PCDHGA5: variants seen among roughly 807,000 people sequenced by gnomAD.
PCDHGA5 encodes the protein protocadherin gamma-A5.
PCDHGA5 carries 36 observed loss-of-function variants against 56.7 expected under a neutral mutation model. The observed-to-expected ratio is 0.64, with a 90% confidence interval of 0.49 to 0.84. PCDHGA5 has a LOEUF of 0.84. Among genes scored for constraint, PCDHGA5 ranks in the 40% least tolerant of loss-of-function variants. The probability of loss-of-function intolerance (pLI) is 0.00; values close to 1 mark genes in which losing one functional copy is unlikely to be tolerated. For missense variants in PCDHGA5, 1,305 were observed against 1,201.5 expected (o/e 1.09, Z -1.27); for synonymous variants, 563 against 520.2 (o/e 1.08, Z -1.12).
Position 141,365,713 on chromosome 5 carries a change from C to G in PCDHGA5, c.1383C>G (p.Val461=). The change falls in exon 1 of 4, where the codon GTC becomes GTG. Residue 461 remains valine, a synonymous_variant. Coordinates refer to ENST00000518069, the MANE Select transcript of PCDHGA5 (RefSeq NM_018918.3). ...NFPQASYSTS[V]TENNPRGVSI... ...CTCAAGCCTCCTACTCCACCTCTGT[C>G]ACAGAAAACAATCCCAGAGGTGTCT... The G allele has an allele frequency of 6.2e-7, 1 of 1,613,760 alleles. No individual in the cohort carries two copies. The highest frequency in any genetic ancestry group is 2.2e-5 in the East Asian group (1 of 44,874).
intron 1 of PCDHGA5, chr5:141,404,669 A>G: frequency 1.9e-6 from 3 of 1,614,100 alleles, no homozygotes; most frequent in Non-Finnish European, 2.5e-6. Context: ...TGATGGTTCT[A>G]CTGGTGTGGA....
At chr5:141,423,089 G>A in intron 1 of PCDHGA5, 1 of 1,614,016 alleles carries the variant, frequency 6.2e-7, no homozygotes, top group Non-Finnish European at 8.5e-7. Flanking sequence ...TTCGCGGTGG[G>A]GGAGCACACG....
At chr5:141,509,692 C>T (rs755446680) in intron 3 of PCDHGA5, among the ~76,000 whole-genome samples, 8 of 152,126 alleles carry the variant, frequency 5.3e-5, no homozygotes, top group Non-Finnish European at 1.0e-4. Context: ...TACAGTGGGA[C>T]GTTGGACTGG....
chr5:141,388,026 G>A, intron 1 of PCDHGA5: 1 of 1,446,900 alleles, frequency 6.9e-7, no homozygotes, highest in South Asian at 1.3e-5. Flanking sequence ...CTCCGTAGTG[G>A]GGAACCTCGC....
chr5:141,397,975 G>T, intron 1 of PCDHGA5: 4 of 1,189,018 alleles, frequency 3.4e-6, no homozygotes, highest in Non-Finnish European at 4.6e-6. Flanking sequence ...CCCCAGCGCC[G>T]GCCTTTACAC....
intron 1 of PCDHGA5, chr5:141,393,251 G>T: frequency 5.6e-6 from 9 of 1,613,814 alleles, no homozygotes; most frequent in Non-Finnish European, 6.8e-6. Flanking sequence ...ACGAAATCGC[G>T]GTTCCTGGAG....
At chr5:141,371,101 A>T (rs766194298) in intron 1 of PCDHGA5, 2 of 1,613,794 alleles carry the variant, frequency 1.2e-6, no homozygotes, top group South Asian at 1.1e-5. Context: ...GCAGATGCAA[A>T]TGATAACCCC....
chr5:141,497,804 T>G (rs1196976996), intron 2 of PCDHGA5, among the ~76,000 whole-genome samples: 1 of 152,186 alleles, frequency 6.6e-6, no homozygotes, highest in Non-Finnish European at 1.5e-5. Context: ...CTTCCCAAAG[T>G]GCTAGAATTA....
Position 141,491,004 on chromosome 5 carries a change from G to T in PCDHGA5, c.2422-3803G>T. ...CTCGCTCTGCTCCTCCTGGCTCCTT[G>T]GTCACCAAGGTGACAGCCGTGGATG... On this transcript the variant is annotated intron_variant, in intron 1 of 3. Transcript: ENST00000518069. The surrounding 1 kb of genome is among the most constrained non-coding windows in gnomAD (Gnocchi z 6.9). The T allele has an allele frequency of 6.2e-7, 1 of 1,614,024 alleles. No individual in the cohort carries two copies. Among genetic ancestry groups the T allele is most frequent in the Non-Finnish European group, 8.5e-7 (1 of 1,180,026 alleles).
chr5:141,438,037 G>A (rs2097925203), intron 1 of PCDHGA5, among the ~76,000 whole-genome samples: 1 of 151,910 alleles, frequency 6.6e-6, no homozygotes, highest in African/African-American at 2.4e-5. Flanking sequence ...CACCATGCCC[G>A]ACCACTTTGA....
chr5:141,371,078 C>A (rs776361776), intron 1 of PCDHGA5: 1 of 1,613,770 alleles, frequency 6.2e-7, no homozygotes, highest in African/African-American at 1.3e-5. Context: ...CCACCCAGAT[C>A]AGGGTAATTG....
intron 1 of PCDHGA5, chr5:141,372,835 C>T (rs894902171): frequency 1.3e-6 from 2 of 1,535,142 alleles, no homozygotes; most frequent in Non-Finnish European, 1.8e-6. Context: ...CCTTTCCTTC[C>T]ATAAATATAA....
chr5:141,488,565 C>A (rs1308485284), intron 1 of PCDHGA5, among the ~76,000 whole-genome samples: 1 of 152,174 alleles, frequency 6.6e-6, no homozygotes, highest in Non-Finnish European at 1.5e-5. Flanking sequence ...GAGATTTCCG[C>A]AAAGCATTGC....
chr5:141,370,542 C>T (rs1009513071), intron 1 of PCDHGA5: 17 of 1,613,784 alleles, frequency 1.1e-5, no homozygotes, highest in Non-Finnish European at 1.4e-5. Context: ...GGTAGGGAAC[C>T]TCGCCAAGGA....
intron 1 of PCDHGA5, chr5:141,428,173 CGGA>C (rs770477048): frequency 1.3e-6 from 2 of 1,514,730 alleles, no homozygotes. Context: ...CTGTGCGTGA[CGGA>C]GGACAGCCGC....
chr5:141,486,416 C>T lies in PCDHGA5; in HGVS notation c.2422-8391C>T, dbSNP rs2154580601. The T allele has an allele frequency of 6.2e-7, 1 of 1,614,152 alleles. No individual in the cohort carries two copies. The highest frequency in any genetic ancestry group is 8.5e-7 in the Non-Finnish European group (1 of 1,180,016). On this transcript the variant is annotated intron_variant, in intron 1 of 3. Coordinates refer to ENST00000518069, the MANE Select transcript of PCDHGA5 (RefSeq NM_018918.3). This position sits in a 1 kb window ranked among gnomAD's most constrained non-coding sequence, Gnocchi z 5.0. ...CCTGGTGACTGCTGGACCCTTGGAT[C>T]GAGAGGCCAAATCTAGCTATGACAT...
chr5:141,373,370 G>T (rs1448314999), intron 1 of PCDHGA5, among the ~76,000 whole-genome samples: 1 of 152,164 alleles, frequency 6.6e-6, no homozygotes, highest in African/African-American at 2.4e-5. Context: ...TAATGAATTG[G>T]TTCAAAATGT....
In PCDHGA5 at chr5:141,404,750, C is replaced by G. The variant is rs1321458841; in HGVS notation, c.2421+37999C>G. The stretch of plus-strand genomic sequence containing the variant: ...GGTGGCAGTGGACAGAGACTCAGGC[C>G]AGAATGCTTGGCTCTCCTACCGCCT... On this transcript the variant is annotated intron_variant, in intron 1 of 3. Coordinates refer to ENST00000518069, the MANE Select transcript of PCDHGA5 (RefSeq NM_018918.3). 10 of 1,613,702 alleles carry G rather than the reference C, an allele frequency of 6.2e-6. No homozygotes were observed. In the African/African-American group the frequency reaches 1.3e-4, roughly 22 times the overall value.
chr5:141,427,320 G>A (rs920149276), intron 1 of PCDHGA5: 5 of 456,968 alleles, frequency 1.1e-5, no homozygotes, highest in Non-Finnish European at 1.8e-5. Context: ...CCCAGACGTG[G>A]TTTTTACTTC....
Sources: gnomAD v4.1 joint callset for allele counts (sites outside exome capture counted in the v4.1 genomes callset) on GRCh38, gnomAD v4.1.1 for gene constraint, Gnocchi (gnomAD v3.1) non-coding constraint, MANE v1.5 for transcripts, NCBI Gene and HGNC (gene_info 2026-07-23, HGNC 2026-07-21) for gene names.